The following ADGRG1 variants were observed in gnomAD, a reference collection of about 807,000 sequenced individuals.
ADGRG1 encodes adhesion G protein-coupled receptor G1, also known as 7-transmembrane protein with no EGF-like N-terminal domains-1.
In ADGRG1, 53 loss-of-function variants were observed where a neutral mutation model predicts 73.5. The ratio of observed to expected loss-of-function variants is 0.72; its 90% CI spans 0.58 to 0.91. The LOEUF is 0.91. Ranked by LOEUF, ADGRG1 falls within the 40% of genes least tolerant of loss-of-function variation. The pLI, the probability that ADGRG1 is intolerant of heterozygous loss-of-function variation, is 0.00. For missense variants in ADGRG1, 795 were observed against 871.8 expected (o/e 0.91, Z 1.11); for synonymous variants, 394 against 374.4 (o/e 1.05, Z -0.60).
Position 57,629,925 on chromosome 16 carries a change from C to A in ADGRG1, c.-36+1123C>A, listed in dbSNP as rs150069309. The A allele has an allele frequency of 1.8e-3, 1,368 of 763,716 alleles. 18 individuals are homozygous for A. The African/African-American group carries it at 0.024, about 13-fold the overall frequency. 47.3% of individuals were successfully genotyped at this position (763,716 alleles called of 1,614,324 possible). A position where few individuals can be genotyped will look rare whatever the true frequency, so the allele number is the denominator to read the frequency against. On this transcript the variant is annotated intron_variant, in intron 1 of 13. Transcript: ENST00000562631. ...GAGAGGTCTGATGTTCATTTTACTG[C>A]GTAGGGAGGAGGGGATGGGTCAAGG...
At chr16:57,647,599 C>A in intron 1 of ADGRG1, 1 of 352,792 alleles carries the variant, frequency 2.8e-6, no homozygotes, top group Non-Finnish European at 4.0e-6. Context: ...GAGTAACTAG[C>A]CCAAGGACAC....
At chr16:57,654,238 C>T (rs2044893851) in intron 5 of ADGRG1, 105 bp downstream of exon 5, 11 of 1,152,560 alleles carry the variant, frequency 9.5e-6, no homozygotes, top group South Asian at 1.4e-5. Flanking sequence ...GCAGCCTCTC[C>T]CTGGGGCCTC....
At chr16:57,657,259 G>C in intron 9 of ADGRG1, 114 bp from the exon 10 acceptor site, 3 of 1,498,312 alleles carry the variant, frequency 2.0e-6, no homozygotes, top group Non-Finnish European at 1.8e-6. Flanking sequence ...GGGAGAGGGG[G>C]TTCTTAGGCT....
At chr16:57,626,842 G>T (rs113065415), upstream of ADGRG1, 1 of 977,796 alleles carries the variant, frequency 1.0e-6, no homozygotes, top group African/African-American at 1.8e-5. Flanking sequence ...TGAGGCAGAG[G>T]TGGTGGTATG....
chr16:57,651,356 C>T lies in ADGRG1; in HGVS notation c.221C>T (p.Ala74Val). 6.2e-7 allele frequency: 1 copy of T among 1,614,208 alleles called. No individual in the cohort carries two copies. Among genetic ancestry groups the T allele is most frequent in the Non-Finnish European group, 8.5e-7 (1 of 1,180,020 alleles). The change falls in exon 3 of 14, where the codon GCC becomes GTC. Residue 74 changes from alanine (A) to valine (V), a missense_variant. Coordinates refer to ENST00000562631, the MANE Select transcript of ADGRG1 (RefSeq NM_201525.4). The stretch of plus-strand genomic sequence containing the variant: ...ACAGTCCATGCCCCTTTCCCTGCAG[C>T]CCACCCTGCTTCCCGATCCTTCCCT... Reference protein sequence around the residue: ...ALTVHAPFPAAHPASRSFPDP... With the variant: ...ALTVHAPFPAVHPASRSFPDP...
intron 1 of ADGRG1, chr16:57,644,314 C>T (rs2041676753): frequency 2.0e-6 from 1 of 489,758 alleles, no homozygotes; most frequent in Non-Finnish European, 2.6e-6. Flanking sequence ...CACTCATGCA[C>T]ACAAGGACAT....
At chr16:57,623,477 C>T (rs1172272914), upstream of ADGRG1, among the ~76,000 whole-genome samples, 2 of 152,210 alleles carry the variant, frequency 1.3e-5, no homozygotes, top group East Asian at 3.8e-4. Context: ...TCATGCTCGC[C>T]CCTCCTGTGT....
chr16:57,630,426 G>A (rs950686460), intron 1 of ADGRG1: 17 of 984,910 alleles, frequency 1.7e-5, no homozygotes, highest in Non-Finnish European at 1.9e-5. Context: ...CATCACTGTG[G>A]CCCCCTTGCC....
At chr16:57,623,040 C>G (rs4784000), upstream of ADGRG1, 328,107 of 984,464 alleles carry the variant, frequency 0.33, 55,439 homozygotes, top group African/African-American at 0.47. Context: ...TATGGAGGGG[C>G]AAAGCAGGAC....
rs746161688 is a variant in ADGRG1, at chr16:57,661,818, C to A, written c.1786C>A (p.His596Asn). 3.1e-6 allele frequency: 5 copies of A among 1,614,150 alleles called. No homozygotes were observed. The highest frequency in any genetic ancestry group is 1.1e-5 in the South Asian group (1 of 91,094). The change falls in exon 13 of 14, where the codon CAC (histidine) becomes AAC (asparagine). Residue 596 changes from histidine (H) to asparagine (N), a missense_variant. His to Asn is a moderately conservative substitution (Grantham distance 68). Transcript: ENST00000562631. ...GGTGCAGATCCTGCGGCTGCGCCCC[C>A]ACACCCAAAAGTGGTCACATGTGCT... ...MVVQILRLRP[H>N]TQKWSHVLTL...
At chr16:57,648,619 G>T (rs988356817) in intron 1 of ADGRG1, 1 of 984,638 alleles carries the variant, frequency 1.0e-6, no homozygotes, top group Non-Finnish European at 1.2e-6. Context: ...TCAATGATTT[G>T]GTTCAAAAGC....
chr16:57,639,327 T>A (rs1275230374), intron 1 of ADGRG1: 4 of 985,398 alleles, frequency 4.1e-6, no homozygotes, highest in African/African-American at 1.7e-5. Context: ...GGAGCCACGT[T>A]GCTTTGCTGG....
At chr16:57,646,857 C>T (rs981378076) in intron 1 of ADGRG1, 50 of 864,582 alleles carry the variant, frequency 5.8e-5, no homozygotes, top group Non-Finnish European at 6.8e-5. Context: ...ATTATCATTG[C>T]GGGGGTGTTG....
At chr16:57,625,992 T>A (rs1382459824), upstream of ADGRG1, among the ~76,000 whole-genome samples, 1 of 152,244 alleles carries the variant, frequency 6.6e-6, no homozygotes, top group African/African-American at 2.4e-5. Flanking sequence ...TTAGTTCAGA[T>A]CCTGGCTGTT....
At chr16:57,640,819 T>C (rs2040639101) in intron 1 of ADGRG1, 1 of 896,984 alleles carries the variant, frequency 1.1e-6, no homozygotes. Flanking sequence ...AGCCTGGGAA[T>C]GCTAAGTGTC....
chr16:57,635,590 G>A (rs886365043), intron 1 of ADGRG1: 57 of 985,320 alleles, frequency 5.8e-5, no homozygotes, highest in Non-Finnish European at 6.6e-5. Context: ...AGGAAGGACG[G>A]TAGTGTTTGC....
upstream of ADGRG1, among the ~76,000 whole-genome samples, chr16:57,620,514 C>T (rs78133045): frequency 0.021 from 3,236 of 152,296 alleles, 77 homozygotes; most frequent in East Asian, 0.11. Flanking sequence ...TGCCTGCTTT[C>T]CGCAGCGCCC....
At position 57,655,947 on chromosome 16, in the gene ADGRG1, C is replaced by T; in HGVS notation, c.972C>T (p.Asn324=). 1 of 1,614,130 alleles carries T rather than the reference C, an allele frequency of 6.2e-7. No homozygotes were observed. Among genetic ancestry groups the T allele is most frequent in the Non-Finnish European group, 8.5e-7 (1 of 1,180,012 alleles). The change falls in exon 7 of 14, where the codon AAC becomes AAT. Residue 324 remains asparagine, a synonymous_variant. Coordinates refer to ENST00000562631, the MANE Select transcript of ADGRG1 (RefSeq NM_201525.4). ...TGGTACAGAACACCAAAGTAGCCAA[C>T]CTCACGGAGCCCGTGGTGCTCACTT... ...GIVVQNTKVA[N]LTEPVVLTFQ... is the part of the protein sequence containing the mutation.
intron 3 of ADGRG1, chr16:57,651,961 A>G: frequency 7.8e-7 from 1 of 1,280,518 alleles, no homozygotes; most frequent in African/African-American, 1.5e-5. Flanking sequence ...CAGAGACTGG[A>G]AAGGGACTGA....
Sources: allele counts gnomAD v4.1 joint callset (sites outside exome capture counted in the v4.1 genomes callset), GRCh38; gene constraint gnomAD v4.1.1; transcripts MANE v1.5; gene names NCBI Gene and HGNC (gene_info 2026-07-23, HGNC 2026-07-21).